Variants in STIM2 observed in about 807,000 individuals in gnomAD.
The protein encoded by STIM2 is stromal interaction molecule 2.
Under a neutral mutation model 85.8 loss-of-function variants are expected in STIM2, and 31 were observed. That is an observed-to-expected ratio of 0.36 (90% CI 0.27 to 0.49). The LOEUF is 0.49. Among genes scored for constraint, STIM2 ranks in the 20% least tolerant of loss-of-function variants. The pLI is 0.98. For missense variants in STIM2, 841 were observed against 927.6 expected (o/e 0.91, Z 1.21); for synonymous variants, 356 against 331.1 (o/e 1.08, Z -0.82).
chr4:26,929,432 T>C (rs1577444159), intron 2 of STIM2, among the ~76,000 whole-genome samples: 1 of 152,266 alleles, frequency 6.6e-6, no homozygotes, highest in East Asian at 1.9e-4. Context: ...TATGGACCTT[T>C]ACTGGCCTTC....
chr4:26,910,360 TA>T (rs561852810), intron 1 of STIM2, among the ~76,000 whole-genome samples: 2 of 151,536 alleles, frequency 1.3e-5, no homozygotes, highest in African/African-American at 2.4e-5. Context: ...CCGTCTTTAC[TA>T]AAAAAAATAA....
intron 1 of STIM2, among the ~76,000 whole-genome samples, chr4:26,913,852 G>T (rs761911476): frequency 6.6e-6 from 1 of 152,206 alleles, no homozygotes; most frequent in African/African-American, 2.4e-5. Context: ...CAAAGCCTGT[G>T]ATCTCACGGT....
chr4:26,966,739 A>G (rs550681589), intron 3 of STIM2, among the ~76,000 whole-genome samples: 3 of 152,246 alleles, frequency 2.0e-5, no homozygotes, highest in African/African-American at 7.2e-5. Flanking sequence ...ATATAAATGT[A>G]TAGCTCAGAG....
intron 1 of STIM2, among the ~76,000 whole-genome samples, chr4:26,887,432 C>T (rs9998368): frequency 0.61 from 93,071 of 151,826 alleles, 29,851 homozygotes; most frequent in African/African-American, 0.82. Context: ...GGAACTTCTC[C>T]GGTGTATCCC....
chr4:26,885,824 TATATA>T, intron 1 of STIM2, among the ~76,000 whole-genome samples: 1 of 10,120 alleles, frequency 9.9e-5, no homozygotes, highest in African/African-American at 8.9e-4. Flanking sequence ...CCTCAGGTTA[TATATA>T]TATATATATA....
intron 2 of STIM2, among the ~76,000 whole-genome samples, chr4:26,936,237 T>A (rs533468602): frequency 6.6e-6 from 1 of 152,362 alleles, no homozygotes; most frequent in African/African-American, 2.4e-5. Flanking sequence ...TTAGTACTTA[T>A]GTCCTTATGT....
chr4:27,024,016 G>T lies in STIM2; in HGVS notation c.*1020G>T, dbSNP rs1017167466. The T allele has an allele frequency of 1.3e-5, 2 of 152,648 alleles. No homozygotes were observed. The highest frequency in any genetic ancestry group is 2.9e-5 in the Non-Finnish European group (2 of 68,034). The allele number at this position is 152,648 out of a possible 1,614,324, so 9.5% of individuals were successfully genotyped here. ...TAACACAAAAAACACTATGTTTTCTGGAGAGCTGTGTAAGCTGTCTTGTTG... is the reference window on the plus strand; with the variant it reads ...TAACACAAAAAACACTATGTTTTCTTGAGAGCTGTGTAAGCTGTCTTGTTG... On this transcript the variant is annotated 3_prime_UTR_variant, in exon 12 of 12. Transcript: ENST00000467087.
intron 1 of STIM2, among the ~76,000 whole-genome samples, chr4:26,910,441 C>T (rs1477372586): frequency 6.6e-6 from 1 of 151,874 alleles, no homozygotes; most frequent in Admixed American, 6.6e-5. Flanking sequence ...GGAGAATTGC[C>T]TGAACTCCGG....
At chr4:26,891,104 T>G (rs1175344881) in intron 1 of STIM2, among the ~76,000 whole-genome samples, 1 of 152,230 alleles carries the variant, frequency 6.6e-6, no homozygotes, top group African/African-American at 2.4e-5. Flanking sequence ...TCAGTTTGTG[T>G]GATGGATAAT....
intron 1 of STIM2, among the ~76,000 whole-genome samples, chr4:26,866,315 G>A (rs1361567671): frequency 6.6e-6 from 1 of 152,190 alleles, no homozygotes; most frequent in East Asian, 1.9e-4. Context: ...GTTAGAGGTT[G>A]ACCAGGGTTT....
chr4:26,944,744 A>G (rs543184368), intron 2 of STIM2, among the ~76,000 whole-genome samples: 1 of 152,332 alleles, frequency 6.6e-6, no homozygotes, highest in South Asian at 2.1e-4. Flanking sequence ...CAATAAATGA[A>G]TATCTGTTTT....
intron 1 of STIM2, among the ~76,000 whole-genome samples, chr4:26,867,554 A>G (rs1353648029): frequency 6.6e-6 from 1 of 152,242 alleles, no homozygotes; most frequent in Non-Finnish European, 1.5e-5. Context: ...CTAAAGTTAT[A>G]AGTCAAGAGT....
At chr4:26,920,265 C>G (rs1453983279) in intron 2 of STIM2, among the ~76,000 whole-genome samples, 1 of 152,100 alleles carries the variant, frequency 6.6e-6, no homozygotes, top group African/African-American at 2.4e-5. Context: ...TTGGCCAAGA[C>G]AAGTCATTTG....
chr4:27,009,135 G>A (rs1728474913), intron 10 of STIM2, 133 bp downstream of exon 10: 7 of 673,314 alleles, frequency 1.0e-5, no homozygotes, highest in Admixed American at 2.9e-5. Flanking sequence ...CTTTCTTTTT[G>A]TTAGTAATTT....
intron 1 of STIM2, among the ~76,000 whole-genome samples, chr4:26,880,930 CAA>C (rs997728353): frequency 5.3e-5 from 8 of 151,576 alleles, no homozygotes; most frequent in African/African-American, 9.7e-5. Flanking sequence ...CAAGTGTAGA[CAA>C]GAGAATAAAA....
intron 11 of STIM2, chr4:27,019,688 T>TG: frequency 2.7e-6 from 1 of 365,476 alleles, no homozygotes; most frequent in Non-Finnish European, 5.2e-6. Flanking sequence ...ACTGATTTTT[T>TG]TTTTTTATGA....
intron 2 of STIM2, among the ~76,000 whole-genome samples, chr4:26,934,023 G>A (rs1424005684): frequency 1.3e-5 from 2 of 151,612 alleles, no homozygotes; most frequent in Non-Finnish European, 2.9e-5. Context: ...CTGAAACCTC[G>A]TCTCTACTAA....
At chr4:26,886,264 G>C (rs1723247140) in intron 1 of STIM2, among the ~76,000 whole-genome samples, 4 of 152,130 alleles carry the variant, frequency 2.6e-5, no homozygotes, top group African/African-American at 9.6e-5. Flanking sequence ...TTAGCTTAAG[G>C]CTAATATATT....
intron 3 of STIM2, among the ~76,000 whole-genome samples, chr4:26,984,092 G>A (rs1727496966): frequency 6.6e-6 from 1 of 152,140 alleles, no homozygotes; most frequent in Admixed American, 6.5e-5. Flanking sequence ...ACTTTTGAAA[G>A]TTTGTTGTTT....
Sources: gnomAD v4.1 joint callset for allele counts (sites outside exome capture counted in the v4.1 genomes callset) on GRCh38, gnomAD v4.1.1 for gene constraint, MANE v1.5 for transcripts, NCBI Gene and HGNC (gene_info 2026-07-23, HGNC 2026-07-21) for gene names.